Variants in MLIP observed in about 807,000 individuals in gnomAD.
MLIP encodes the protein muscular LMNA interacting protein, also known as muscular LMNA-interacting protein.
A neutral mutation model predicts 84.8 loss-of-function variants in MLIP; 79 were observed. The observed-to-expected ratio is 0.93, with a 90% CI of 0.78 to 1.12. MLIP has a LOEUF of 1.12. Among genes scored for constraint, MLIP ranks in the 50% most tolerant of loss-of-function variants. The probability of loss-of-function intolerance (pLI) is 0.00; values close to 1 mark genes in which losing one functional copy is unlikely to be tolerated. For synonymous variants in MLIP, 504 were observed against 463.0 expected (o/e 1.09, Z -1.14); for missense variants, 1,257 against 1,160.6 (o/e 1.08, Z -1.21).
chr6:54,115,118 G>A lies in MLIP; in HGVS notation c.96+3543G>A, dbSNP rs546366836. On this transcript the variant is annotated intron_variant, in intron 1 of 13. Coordinates refer to ENST00000502396, the MANE Select transcript of MLIP (RefSeq NM_001281747.2). ...TATGGAAGTATAGTACGATTGTTGG[G>A]CAGCATTGAAAAGCCTTCTTGAGGC... Among the ~76,000 whole-genome samples, 9 of 152,274 alleles carry A rather than the reference G, an allele frequency of 5.9e-5. No individual in the cohort carries two copies. In the South Asian group the frequency reaches 1.9e-3, roughly 32 times the overall value.
At position 54,174,717 on chromosome 6, in the gene MLIP, T is replaced by G. The variant is rs1268317973; in HGVS notation, c.2544+5145T>G. Reference sequence around the variant, plus strand: ...TGGATTATCCCTTCACTTTATTGATTGTTTCCTTTGCTGGGTAGAAGCTTT... The same window carrying G: ...TGGATTATCCCTTCACTTTATTGATGGTTTCCTTTGCTGGGTAGAAGCTTT... On this transcript the variant is annotated intron_variant, in intron 9 of 13. Coordinates refer to ENST00000502396, the MANE Select transcript of MLIP (RefSeq NM_001281747.2). Among the ~76,000 whole-genome samples, 3 of 151,996 alleles carry G rather than the reference T, an allele frequency of 2.0e-5. No individual in the cohort carries two copies. The East Asian group carries it at 5.8e-4, about 29-fold the overall frequency.
chr6:54,086,969 A>T (rs1767536840), intron 1 of MLIP, among the ~76,000 whole-genome samples: 1 of 152,108 alleles, frequency 6.6e-6, no homozygotes, highest in South Asian at 2.1e-4. Flanking sequence ...CGACCACAAT[A>T]TTCTAAGATA....
chr6:54,262,889 G>A (rs993798939), intron 13 of MLIP, among the ~76,000 whole-genome samples: 12 of 152,130 alleles, frequency 7.9e-5, no homozygotes, highest in African/African-American at 2.9e-4. Flanking sequence ...TGGTTGGCAA[G>A]AACCAGAATT....
chr6:54,189,984 G>A, intron 10 of MLIP, 70 bp downstream of exon 10: 1 of 1,030,554 alleles, frequency 9.7e-7, no homozygotes, highest in Admixed American at 2.2e-5. Context: ...CTGAGTAAAA[G>A]TGAAAAAAAG....
At chr6:54,165,108 C>A (rs1775043257) in intron 8 of MLIP, among the ~76,000 whole-genome samples, 1 of 151,902 alleles carries the variant, frequency 6.6e-6, no homozygotes, top group East Asian at 1.9e-4. Flanking sequence ...TGCCTGGTGC[C>A]TGGGGTGGCA....
chr6:54,106,097 T>C (rs1250919458), intron 1 of MLIP, among the ~76,000 whole-genome samples: 1 of 152,090 alleles, frequency 6.6e-6, no homozygotes, highest in Non-Finnish European at 1.5e-5. Flanking sequence ...CCAGGAGCAA[T>C]ACCTGTAGAT....
chr6:54,189,842 TA>T, intron 9 of MLIP, 27 bp from the exon 10 acceptor site: 1 of 1,536,748 alleles, frequency 6.5e-7, no homozygotes, highest in Non-Finnish European at 9.0e-7. Flanking sequence ...TGAGTTTCAC[TA>T]ATAAATGCCA....
rs372029997 is a variant in MLIP at position 54,124,709 on chromosome 6, G to A, written c.489G>A (p.Gly163=). Residue 163 remains glycine, a synonymous_variant, in exon 3 of 14, where the codon GGG becomes GGA. Transcript: ENST00000502396. The part of the protein sequence containing the change: ...ASRKVEQGPP[G]GIGTAAVRPK... ...GAAAAGTTGAACAAGGCCCCCCAGG[G>A]GGGATTGGCACCGCAGCTGTCCGGC... is the stretch of plus-strand genomic sequence containing the variant. 9 of 1,614,174 alleles carry A rather than the reference G, an allele frequency of 5.6e-6. No individual in the cohort carries two copies. The highest frequency in any genetic ancestry group is 1.1e-5 in the South Asian group (1 of 91,082).
At chr6:54,122,291 C>T (rs1440855663) in intron 2 of MLIP, among the ~76,000 whole-genome samples, 1 of 152,016 alleles carries the variant, frequency 6.6e-6, no homozygotes, top group African/African-American at 2.4e-5. Flanking sequence ...TAGATAATTC[C>T]ATGGAAAATG....
At chr6:54,046,774 T>C (rs569836733) in intron 1 of MLIP, 3 of 152,318 alleles carry the variant, frequency 2.0e-5, no homozygotes, top group South Asian at 4.1e-4. Flanking sequence ...TGAAATTGTA[T>C]CTAGTCATTC....
chr6:54,264,665 T>C (rs559322434), intron 13 of MLIP, among the ~76,000 whole-genome samples: 62 of 152,162 alleles, frequency 4.1e-4, no homozygotes, highest in African/African-American at 1.3e-3. Flanking sequence ...AGAAAAATCA[T>C]GTTGGTGCTT....
rs1230568022 is a variant in MLIP at position 54,238,628 on chromosome 6, TCA to T, written c.2922+7714_2922+7715del. 9.2e-5 allele frequency among the ~76,000 whole-genome samples: 14 copies of T among 152,280 alleles called. No homozygotes were observed. In the East Asian group the frequency reaches 2.7e-3, roughly 29 times the overall value. On this transcript the variant is annotated intron_variant, in intron 12 of 13. Transcript: ENST00000502396. ...AACTAGAGGAGTGAGGACTAAGCCT[TCA>T]CAGTCAGGATGACTTTTCTGATCTG...
chr6:54,208,013 A>T (rs1779158298), intron 11 of MLIP, among the ~76,000 whole-genome samples: 1 of 152,142 alleles, frequency 6.6e-6, no homozygotes, highest in South Asian at 2.1e-4. Flanking sequence ...CTGTGGTCCC[A>T]GCTACTCGGG....
intron 12 of MLIP, among the ~76,000 whole-genome samples, chr6:54,245,959 T>C (rs1474610651): frequency 6.6e-6 from 1 of 152,204 alleles, no homozygotes; most frequent in Non-Finnish European, 1.5e-5. Flanking sequence ...CACCAAAATA[T>C]GAGCATAAAA....
rs77373717 is a variant in MLIP at position 54,155,819 on chromosome 6, GC to G, written c.2290-4544del. ...TATTTGGTATCTTTTCAAAAGCTGG[GC>G]CCCAAAGTTGGCACTTCTGAACAAA... is the stretch of plus-strand genomic sequence containing the variant. On this transcript the variant is annotated intron_variant, in intron 5 of 13. Coordinates refer to ENST00000502396, the MANE Select transcript of MLIP (RefSeq NM_001281747.2). 6.7e-4 allele frequency among the ~76,000 whole-genome samples: 102 copies of G among 152,066 alleles called. No individual in the cohort carries two copies. The East Asian group carries it at 0.011, about 16-fold the overall frequency.
chr6:54,056,755 A>T (rs1440976443), intron 1 of MLIP, among the ~76,000 whole-genome samples: 1 of 152,182 alleles, frequency 6.6e-6, no homozygotes, highest in Non-Finnish European at 1.5e-5. Context: ...CATTTCTCTT[A>T]TGGAGTGAAG....
chr6:54,241,121 T>C (rs951422101), intron 12 of MLIP, among the ~76,000 whole-genome samples: 2 of 151,918 alleles, frequency 1.3e-5, no homozygotes, highest in Admixed American at 6.6e-5. Context: ...AGACGTTTCT[T>C]TTTTTTTGCC....
intron 5 of MLIP, among the ~76,000 whole-genome samples, chr6:54,156,029 G>A (rs1773988421): frequency 6.6e-6 from 1 of 151,988 alleles, no homozygotes; most frequent in African/African-American, 2.4e-5. Context: ...TACCCGAAAT[G>A]AATAAATCTA....
At chr6:54,189,775 CATATAATA>C (rs1318178483) in intron 9 of MLIP, 87 bp from the exon 10 acceptor site, 1 of 881,010 alleles carries the variant, frequency 1.1e-6, no homozygotes, top group Non-Finnish European at 1.8e-6. Context: ...CTATCATGGA[CATATAATA>C]ATAAACAAAC....
Sources: allele counts gnomAD v4.1 joint callset (sites outside exome capture counted in the v4.1 genomes callset), GRCh38; gene constraint gnomAD v4.1.1; transcripts MANE v1.5; gene names NCBI Gene and HGNC (gene_info 2026-07-23, HGNC 2026-07-21).